Variants in DOCK5 observed in about 807,000 individuals in gnomAD.
The protein encoded by DOCK5 is dedicator of cytokinesis protein 5.
DOCK5 carries 142 observed loss-of-function variants against 251.8 expected under a neutral mutation model. That is an observed-to-expected ratio of 0.56 (90% confidence interval 0.49 to 0.65). The LOEUF (loss-of-function observed/expected upper bound fraction) is 0.65, where lower values mean the gene tolerates loss of function less well. Ranked by LOEUF, DOCK5 falls within the 30% of genes least tolerant of loss-of-function variation. DOCK5 has a pLI of 0.00. For missense variants in DOCK5, 2,111 were observed against 2,312.3 expected (o/e 0.91, Z 1.79); for synonymous variants, 842 against 835.5 (o/e 1.01, Z -0.13).
At chr8:25,317,282 G>A in intron 14 of DOCK5, 151 bp downstream of exon 14, 1 of 1,176,084 alleles carries the variant, frequency 8.5e-7, no homozygotes, top group Non-Finnish European at 1.2e-6. Flanking sequence ...TTTGTGATTA[G>A]CAGTGAGCAG....
intron 10 of DOCK5, 68 bp downstream of exon 10, chr8:25,302,522 C>A: frequency 7.1e-7 from 1 of 1,417,214 alleles, no homozygotes; most frequent in East Asian, 2.7e-5. Context: ...GGCGATTTCT[C>A]AAAAAATTAA....
At chr8:25,403,846 T>A in intron 48 of DOCK5, 122 bp downstream of exon 48, 4 of 1,032,806 alleles carry the variant, frequency 3.9e-6, no homozygotes, top group Non-Finnish European at 5.6e-6. Flanking sequence ...GTCTTCCTCA[T>A]GAGGAATGTC....
In DOCK5 at chr8:25,211,451, A is replaced by G. The variant is rs1731660926; in HGVS notation, c.43+26500A>G. On this transcript the variant is annotated intron_variant, in intron 1 of 51. Transcript: ENST00000276440. ...CTGGCACACACCTAGTAAGTGCTCAATAAAATATGGGCAAGCATTTGACTT... is the reference window on the plus strand; with the variant it reads ...CTGGCACACACCTAGTAAGTGCTCAGTAAAATATGGGCAAGCATTTGACTT... Among the ~76,000 whole-genome samples the G allele has an allele frequency of 2.8e-5, 2 of 71,188 alleles. 1 individual carries two copies. Among genetic ancestry groups the G allele is most frequent in the African/African-American group, 6.4e-5 (2 of 31,326 alleles). The allele number at this position is 71,188 out of a possible 152,430, so 46.7% of individuals were successfully genotyped here. A position where few individuals can be genotyped will look rare whatever the true frequency, so the allele number is the denominator to read the frequency against.
rs1801391533 is a variant in DOCK5 at position 25,184,925 on chromosome 8, C to CGACCAAGAGGCAGAAGTACGG, written c.19_39dup (p.Thr7_Gly13dup). ...GTCGCCGCCATGGCCCGCTGGATCCCGACCAAGAGGCAGAAGTACGGGGTT... is the reference window on the plus strand; with the variant it reads ...GTCGCCGCCATGGCCCGCTGGATCCCGACCAAGAGGCAGAAGTACGGGACCAAGAGGCAGAAGTACGGGGTT... On this transcript the variant is annotated inframe_insertion, in exon 1 of 52. Coordinates refer to ENST00000276440, the MANE Select transcript of DOCK5 (RefSeq NM_024940.8). The CGACCAAGAGGCAGAAGTACGG allele has an allele frequency of 6.9e-7, 1 of 1,442,866 alleles. No homozygotes were observed. The highest frequency in any genetic ancestry group is 1.5e-5 in the African/African-American group (1 of 68,782). The allele number at this position is 1,442,866 out of a possible 1,614,324, so 89.4% of individuals were successfully genotyped here. A position where few individuals can be genotyped will look rare whatever the true frequency, so the allele number is the denominator to read the frequency against.
chr8:25,205,757 T>C (rs1801986093), intron 1 of DOCK5, among the ~76,000 whole-genome samples: 1 of 152,128 alleles, frequency 6.6e-6, no homozygotes, highest in South Asian at 2.1e-4. Flanking sequence ...GAGAGAGACA[T>C]GGGTTACTGA....
intron 2 of DOCK5, among the ~76,000 whole-genome samples, chr8:25,245,895 G>C (rs866032483): frequency 1.3e-5 from 2 of 152,070 alleles, no homozygotes; most frequent in African/African-American, 4.8e-5. Flanking sequence ...TTTCAGGTTT[G>C]CTATATGCTA....
intron 4 of DOCK5, 129 bp from the exon 5 acceptor site, chr8:25,278,440 T>C: frequency 1.2e-6 from 1 of 806,104 alleles, no homozygotes; most frequent in Non-Finnish European, 2.1e-6. Flanking sequence ...TAAAGTCCCC[T>C]GCACAACTCC....
chr8:25,375,667 T>C, intron 37 of DOCK5: 1 of 980,942 alleles, frequency 1.0e-6, no homozygotes, highest in Non-Finnish European at 1.2e-6. Flanking sequence ...ATTAATATTC[T>C]TTTACAGTTT....
At chr8:25,225,474 A>T (rs1267646338) in intron 1 of DOCK5, among the ~76,000 whole-genome samples, 1 of 152,214 alleles carries the variant, frequency 6.6e-6, no homozygotes. Context: ...CGGGAGGCCA[A>T]GGCAGGCGGA....
intron 1 of DOCK5, 149 bp downstream of exon 1, chr8:25,185,100 G>A (rs1001537385): frequency 5.6e-5 from 54 of 957,606 alleles, no homozygotes; most frequent in Non-Finnish European, 1.6e-5. Context: ...GACGGTAGGA[G>A]TCCTCTCCAG....
chr8:25,196,154 T>C (rs978292088), intron 1 of DOCK5, among the ~76,000 whole-genome samples: 1 of 152,216 alleles, frequency 6.6e-6, no homozygotes, highest in Non-Finnish European at 1.5e-5. Flanking sequence ...GTTGCATTAT[T>C]AGATGGAAGT....
Position 25,334,208 on chromosome 8 carries a change from C to A in DOCK5, c.2192+12C>A. The A allele has an allele frequency of 6.3e-7, 1 of 1,591,704 alleles. No individual in the cohort carries two copies. Among genetic ancestry groups the A allele is most frequent in the Non-Finnish European group, 8.6e-7 (1 of 1,159,694 alleles). On this transcript the variant is annotated intron_variant, in intron 21 of 51. Transcript: ENST00000276440. ...ACTTTGGCATATGTGTAAGTATGAT[C>A]TGAAGGAACTACATGTTGTTGGATC...
chr8:25,370,656 G>T (rs1413217751), intron 34 of DOCK5, among the ~76,000 whole-genome samples: 1 of 151,996 alleles, frequency 6.6e-6, no homozygotes, highest in Non-Finnish European at 1.5e-5. Flanking sequence ...GGCATATGTC[G>T]CCATTCCCAG....
At chr8:25,311,319 G>A (rs1234691262) in intron 13 of DOCK5, among the ~76,000 whole-genome samples, 1 of 151,134 alleles carries the variant, frequency 6.6e-6, no homozygotes, top group African/African-American at 2.4e-5. Context: ...TGAGGTGGGC[G>A]GATCATGAGG....
chr8:25,376,120 A>AAG (rs1800959059), intron 37 of DOCK5: 5 of 970,162 alleles, frequency 5.2e-6, no homozygotes, highest in Non-Finnish European at 6.1e-6. Context: ...AAAAAAAAAA[A>AAG]GCAACCTACT....
intron 29 of DOCK5, 89 bp from the exon 30 acceptor site, chr8:25,364,537 G>GT: frequency 1.1e-6 from 1 of 905,586 alleles, no homozygotes; most frequent in Admixed American, 2.2e-5. Context: ...CCAAGTTCAG[G>GT]TTTGGTTTGG....
At chr8:25,273,824 G>C (rs967166124) in intron 3 of DOCK5, among the ~76,000 whole-genome samples, 3 of 152,134 alleles carry the variant, frequency 2.0e-5, no homozygotes, top group Non-Finnish European at 4.4e-5. Flanking sequence ...TATTTGATCA[G>C]TTTTCCAAAA....
At chr8:25,210,076 CTATT>C (rs1409469293) in intron 1 of DOCK5, among the ~76,000 whole-genome samples, 214 of 19,706 alleles carry the variant, frequency 0.011, 74 homozygotes, top group Non-Finnish European at 0.02. Context: ...GTGTATCTGT[CTATT>C]TATCTATCTA....
At chr8:25,274,195 G>A (rs560665408) in intron 3 of DOCK5, among the ~76,000 whole-genome samples, 2 of 152,362 alleles carry the variant, frequency 1.3e-5, no homozygotes, top group East Asian at 3.9e-4. Flanking sequence ...CTGGTTTCCT[G>A]TCTGAGTGGA....
Sources: allele counts gnomAD v4.1 joint callset (sites outside exome capture counted in the v4.1 genomes callset), GRCh38; gene constraint gnomAD v4.1.1; transcripts MANE v1.5; gene names NCBI Gene and HGNC (gene_info 2026-07-23, HGNC 2026-07-21).